GMPS: variants seen among roughly 807,000 people sequenced by gnomAD.
The protein encoded by GMPS is guanosine monophosphate synthase.
Under a neutral mutation model 77.9 loss-of-function variants are expected in GMPS, and 15 were observed. The ratio of observed to expected loss-of-function variants is 0.19; its 90% CI spans 0.13 to 0.30. GMPS has a LOEUF of 0.30. Among genes scored for constraint, GMPS ranks in the 10% least tolerant of loss-of-function variants. The pLI is 1.00. For synonymous variants in GMPS, 224 were observed against 275.9 expected (o/e 0.81, Z 1.86); for missense variants, 590 against 838.8 (o/e 0.70, Z 3.66).
At position 155,906,218 on chromosome 3, in the gene GMPS, G is replaced by A. The variant is rs779203286; in HGVS notation, c.481G>A (p.Ala161Thr). The A allele has an allele frequency of 6.2e-7, 1 of 1,612,430 alleles. No individual in the cohort carries two copies. Among genetic ancestry groups the A allele is most frequent in the Non-Finnish European group, 8.5e-7 (1 of 1,179,066 alleles). The change falls in exon 5 of 16, where the codon GCT (alanine) becomes ACT (threonine). Residue 161 changes from alanine to threonine, a missense_variant. Physicochemically the swap from Ala to Thr is moderately conservative, Grantham distance 58. Transcript: ENST00000496455. ...ACATGGAGATAGTGTAGACAAAGTA[G>A]CTGATGGATTCAAGGTTGTGGCACG... ...LTHGDSVDKV[A>T]DGFKVVARSG...
At chr3:155,910,952 T>G in intron 6 of GMPS, 67 bp downstream of exon 6, 1 of 1,164,268 alleles carries the variant, frequency 8.6e-7, no homozygotes, top group Non-Finnish European at 1.2e-6. Context: ...GGAGTTAGAG[T>G]CCTCAACACA....
intron 3 of GMPS, among the ~76,000 whole-genome samples, chr3:155,898,514 C>T (rs575083175): frequency 9.1e-4 from 138 of 152,324 alleles, no homozygotes; most frequent in African/African-American, 2.9e-3. Context: ...TCCACAGACT[C>T]CTTCACATTT....
chr3:155,919,427 C>A, intron 10 of GMPS, 89 bp downstream of exon 10: 1 of 668,114 alleles, frequency 1.5e-6, no homozygotes, highest in Non-Finnish European at 2.7e-6. Flanking sequence ...AATAATCTGT[C>A]ATCTCAGGGA....
chr3:155,927,117 T>G (rs187308644), intron 12 of GMPS, among the ~76,000 whole-genome samples: 5 of 152,352 alleles, frequency 3.3e-5, no homozygotes, highest in Non-Finnish European at 2.9e-5. Flanking sequence ...CTTGCCTTCT[T>G]TTTAAAGGCC....
At chr3:155,872,051 AAACTT>A (rs1423462442) in intron 1 of GMPS, among the ~76,000 whole-genome samples, 1 of 152,110 alleles carries the variant, frequency 6.6e-6, no homozygotes, top group African/African-American at 2.4e-5. Context: ...CTTTAGGAAA[AAACTT>A]AATTAAATTT....
intron 1 of GMPS, among the ~76,000 whole-genome samples, chr3:155,887,469 A>G (rs2108064402): frequency 6.6e-6 from 1 of 152,322 alleles, no homozygotes; most frequent in Middle Eastern, 3.4e-3. Flanking sequence ...CCAGTGTGGG[A>G]CATTCTACAA....
At chr3:155,932,277 AACACACACACACACAC>A (rs10548751) in intron 13 of GMPS, among the ~76,000 whole-genome samples, 5 of 141,150 alleles carry the variant, frequency 3.5e-5, no homozygotes, top group South Asian at 2.3e-4. Flanking sequence ...CAAATAAAGT[AACACACACACACACAC>A]ACACACACAC....
chr3:155,943,399 A>T lies in GMPS; in HGVS notation c.*5707A>T, dbSNP rs895539090. The T allele has an allele frequency of 5.5e-6, 1 of 180,466 alleles. No individual in the cohort carries two copies. The highest frequency in any genetic ancestry group is 2.4e-5 in the African/African-American group (1 of 42,418). The allele number at this position is 180,466 out of a possible 1,614,324, so 11.2% of individuals were successfully genotyped here. A position where few individuals can be genotyped will look rare whatever the true frequency, so the allele number is the denominator to read the frequency against. On this transcript the variant is annotated 3_prime_UTR_variant, in exon 16 of 16. Coordinates refer to ENST00000496455, the MANE Select transcript of GMPS (RefSeq NM_003875.3). ...TCTCCAGGAAGCCTAAACCTTGAGC[A>T]GTATCTTATTCAAGTGGAGTATATA...
intron 15 of GMPS, among the ~76,000 whole-genome samples, chr3:155,936,988 G>T (rs2108154133): frequency 6.6e-6 from 1 of 152,294 alleles, no homozygotes; most frequent in African/African-American, 2.4e-5. Flanking sequence ...GAAAATCAAA[G>T]TGAGACTCTA....
chr3:155,942,789 A>G lies in GMPS; in HGVS notation c.*5097A>G, dbSNP rs772561730. 4.5e-6 allele frequency: 1 copy of G among 221,840 alleles called. No homozygotes were observed. The highest frequency in any genetic ancestry group is 9.0e-6 in the Non-Finnish European group (1 of 111,100). 13.7% of individuals were successfully genotyped at this position (221,840 alleles called of 1,614,324 possible). A position where few individuals can be genotyped will look rare whatever the true frequency, so the allele number is the denominator to read the frequency against. On this transcript the variant is annotated 3_prime_UTR_variant, in exon 16 of 16. Transcript: ENST00000496455. ...CACCGCTCCAATTCTGACTCTAGCTAGGTCATGAAACAGACTGAGCTATTA... is the reference window on the plus strand; with the variant it reads ...CACCGCTCCAATTCTGACTCTAGCTGGGTCATGAAACAGACTGAGCTATTA...
At chr3:155,884,586 C>G (rs1312048978) in intron 1 of GMPS, among the ~76,000 whole-genome samples, 1 of 152,010 alleles carries the variant, frequency 6.6e-6, no homozygotes, top group Non-Finnish European at 1.5e-5. Context: ...GCGTTGTTTT[C>G]AAAGGTTAAA....
At chr3:155,893,736 A>C (rs558364432) in intron 2 of GMPS, 37 bp downstream of exon 2, 2 of 1,157,790 alleles carry the variant, frequency 1.7e-6, no homozygotes, top group East Asian at 2.5e-5. Context: ...AGGAGATTGA[A>C]CTTAGATTGT....
rs767283339 is a variant in GMPS, at chr3:155,925,256, C to G, written c.1450C>G (p.Gln484Glu). The G allele has an allele frequency of 1.2e-6, 2 of 1,613,096 alleles. No individual in the cohort carries two copies. Among genetic ancestry groups the G allele is most frequent in the South Asian group, 1.1e-5 (1 of 90,982 alleles). ...TTTTTCTCAGCCACATACCCTATTA[C>G]AGAGAGTCAAAGCCTGCACAACAGA... ...ASVKKPHTLL[Q>E]RVKACTTEED... is the part of the protein sequence containing the mutation. The change falls in exon 12 of 16, where the codon CAG (glutamine) becomes GAG (glutamate). Residue 484 changes from glutamine to glutamate, a missense_variant. By Grantham distance (29) the Gln-to-Glu change is conservative. This residue lies in a region of GMPS where 89 missense variants were observed against 95.9 expected (regional missense o/e 0.93). Coordinates refer to ENST00000496455, the MANE Select transcript of GMPS (RefSeq NM_003875.3).
chr3:155,906,497 G>GA (rs1214841381), intron 5 of GMPS, among the ~76,000 whole-genome samples: 1 of 152,076 alleles, frequency 6.6e-6, no homozygotes, highest in Non-Finnish European at 1.5e-5. Flanking sequence ...GAAATACGTT[G>GA]AAAAATGTTC....
Position 155,936,466 on chromosome 3 carries a change from A to T in GMPS, c.1936A>T (p.Met646Leu). Residue 646 changes from methionine (M) to leucine (L), a missense_variant, in exon 15 of 16, where the codon ATG becomes TTG. Transcript: ENST00000496455. ...TCGAACCTTTATTACTAGTGACTTC[A>T]TGACTGGTATACCTGCAACACCTGG... ...VIRTFITSDFMTGIPATPGNE... is the reference protein window; with the variant it reads ...VIRTFITSDFLTGIPATPGNE... The T allele has an allele frequency of 6.2e-7, 1 of 1,607,004 alleles. No individual in the cohort carries two copies. Among genetic ancestry groups the T allele is most frequent in the Non-Finnish European group, 8.5e-7 (1 of 1,173,582 alleles).
intron 1 of GMPS, among the ~76,000 whole-genome samples, chr3:155,873,235 A>G (rs1406653501): frequency 1.3e-5 from 2 of 152,170 alleles, no homozygotes; most frequent in Non-Finnish European, 1.5e-5. Context: ...AAGCTATGAA[A>G]GCATTTGGGT....
At chr3:155,936,209 A>C in intron 14 of GMPS, 129 bp from the exon 15 acceptor site, 2 of 628,404 alleles carry the variant, frequency 3.2e-6, no homozygotes, top group Non-Finnish European at 5.7e-6. Context: ...AAATCAATGC[A>C]TGATGACAGT....
chr3:155,899,335 T>C (rs888668177), intron 3 of GMPS, among the ~76,000 whole-genome samples: 2 of 151,324 alleles, frequency 1.3e-5, no homozygotes, highest in African/African-American at 4.9e-5. Context: ...GCCGTTGCAC[T>C]CCAGCCTCAG....
intron 15 of GMPS, among the ~76,000 whole-genome samples, chr3:155,936,899 T>C (rs1270945967): frequency 1.3e-5 from 2 of 152,202 alleles, no homozygotes; most frequent in Non-Finnish European, 2.9e-5. Flanking sequence ...TTCTCCCTAC[T>C]ACCAATTCCA....
Sources: gnomAD v4.1 joint callset for allele counts (sites outside exome capture counted in the v4.1 genomes callset) on GRCh38, gnomAD v4.1.1 for gene constraint, gnomAD v4.1.1 regional missense constraint, MANE v1.5 for transcripts, NCBI Gene and HGNC (gene_info 2026-07-23, HGNC 2026-07-21) for gene names.